The following ITPR2 variants were observed in gnomAD, a reference collection of about 807,000 sequenced individuals.
ITPR2 encodes the protein inositol 1,4,5-trisphosphate-gated calcium channel ITPR2.
Under a neutral mutation model 317.1 loss-of-function variants are expected in ITPR2, and 207 were observed. The ratio of observed to expected loss-of-function variants is 0.65; its 90% confidence interval spans 0.58 to 0.73. The LOEUF is 0.73. Among genes scored for constraint, ITPR2 ranks in the 30% least tolerant of loss-of-function variants. The pLI, the probability that ITPR2 is intolerant of heterozygous loss-of-function variation, is 0.00. For missense variants in ITPR2, 2,613 were observed against 3,284.0 expected, an observed-to-expected ratio of 0.80 and a Z score of 4.99; for synonymous variants, 1,156 against 1,149.1, an observed-to-expected ratio of 1.01 and a Z score of -0.12.
chr12:26,666,951 T>G (rs1033128713), intron 13 of ITPR2, among the ~76,000 whole-genome samples: 4 of 152,314 alleles, frequency 2.6e-5, no homozygotes, highest in Admixed American at 2.0e-4. Context: ...GAATCTGTAT[T>G]GGAAGGGTCA....
Position 26,681,999 on chromosome 12 carries a change from C to A in ITPR2, c.1284G>T (p.Ala428=). Residue 428 remains alanine (A), a synonymous_variant, in exon 13 of 57, where the codon GCG becomes GCT. Coordinates refer to ENST00000381340, the MANE Select transcript of ITPR2 (RefSeq NM_002223.4). ...ACAGTGGAACAGACACGATTGCGAA[C>A]GCTTCTTTATCTTCTTTGGTTTGGC... ...GTCQTKEDKE[A]FAIVSVPLSE... is the part of the protein sequence containing the mutation. 6.2e-7 allele frequency: 1 copy of A among 1,613,488 alleles called. No homozygotes were observed. The highest frequency in any genetic ancestry group is 8.5e-7 in the Non-Finnish European group (1 of 1,179,588).
intron 55 of ITPR2, among the ~76,000 whole-genome samples, chr12:26,340,637 C>T (rs919249755): frequency 2.9e-4 from 44 of 152,148 alleles, no homozygotes; most frequent in African/African-American, 9.9e-4. Context: ...GGTCTGGAGG[C>T]TGGGGGAGCA....
At chr12:26,656,216 G>T in intron 19 of ITPR2, 81 bp downstream of exon 19, 1 of 1,534,028 alleles carries the variant, frequency 6.5e-7, no homozygotes, top group Non-Finnish European at 8.9e-7. Context: ...CTTTCCACAT[G>T]TTTCATTTCA....
chr12:26,339,219 G>C lies in ITPR2; in HGVS notation c.*178C>G. 1 of 583,770 alleles carries C rather than the reference G, an allele frequency of 1.7e-6. No individual in the cohort carries two copies. The highest frequency in any genetic ancestry group is 3.1e-6 in the Non-Finnish European group (1 of 322,788). 36.2% of individuals were successfully genotyped at this position (583,770 alleles called of 1,614,324 possible). ...CAGATGCATTTGAGGTTAGGTCTTCGCAACCATGAAAACACAGTTATAAAT... is the reference window on the plus strand; with the variant it reads ...CAGATGCATTTGAGGTTAGGTCTTCCCAACCATGAAAACACAGTTATAAAT... On this transcript the variant is annotated 3_prime_UTR_variant, in exon 57 of 57. Transcript: ENST00000381340.
At chr12:26,411,225 A>G (rs1940537162) in intron 52 of ITPR2, 95 bp downstream of exon 52, 2 of 785,802 alleles carry the variant, frequency 2.5e-6, no homozygotes, top group Non-Finnish European at 2.1e-6. Context: ...TCCATCATGA[A>G]ATTTGTAGAG....
At position 26,433,485 on chromosome 12, in the gene ITPR2, A is replaced by G. The variant is rs1698303; in HGVS notation, c.6769+2736T>C. On this transcript the variant is annotated intron_variant, in intron 48 of 56. Coordinates refer to ENST00000381340, the MANE Select transcript of ITPR2 (RefSeq NM_002223.4). ...TATGTGATTTTTAAAAATTATATTA[A>G]AATTTGTAGTGTAATTGTTTTTTTC... is the stretch of plus-strand genomic sequence containing the variant. Among the ~76,000 whole-genome samples the G allele has an allele frequency of 8.3e-4, 127 of 152,136 alleles. No individual in the cohort carries two copies. The Middle Eastern group carries it at 0.01, about 12-fold the overall frequency.
At chr12:26,441,533 T>C (rs1941488187) in intron 46 of ITPR2, among the ~76,000 whole-genome samples, 1 of 151,988 alleles carries the variant, frequency 6.6e-6, no homozygotes, top group Non-Finnish European at 1.5e-5. Context: ...GCATACACAG[T>C]GAGATGAAAT....
At position 26,832,551 on chromosome 12, in the gene ITPR2, G is replaced by T. The variant is rs781672597; in HGVS notation, c.92+139C>A. The T allele has an allele frequency of 5.5e-6, 3 of 541,830 alleles. No individual in the cohort carries two copies. The Admixed American group carries it at 1.3e-4, about 23-fold the overall frequency. The allele number at this position is 541,830 out of a possible 1,614,324, so 33.6% of individuals were successfully genotyped here. ...GGGCGAGCGAGAGAGCGGAGCGCAC[G>T]GCGCTGTCCGCGGGCGCCGACCCTG... is the stretch of plus-strand genomic sequence containing the variant. On this transcript the variant is annotated intron_variant, in intron 1 of 56. Transcript: ENST00000381340.
chr12:26,790,085 T>G, intron 2 of ITPR2, 72 bp downstream of exon 2: 1 of 968,770 alleles, frequency 1.0e-6, no homozygotes, highest in Non-Finnish European at 1.7e-6. Flanking sequence ...GTTTTAACAT[T>G]ACTTACTTTG....
At chr12:26,832,342 T>C (rs981449587) in intron 1 of ITPR2, among the ~76,000 whole-genome samples, 1 of 152,180 alleles carries the variant, frequency 6.6e-6, no homozygotes. Context: ...GTGTTTTGTT[T>C]TACCTTCCAG....
chr12:26,345,711 C>T (rs1380053064), intron 55 of ITPR2, among the ~76,000 whole-genome samples: 1 of 152,186 alleles, frequency 6.6e-6, no homozygotes, highest in Non-Finnish European at 1.5e-5. Context: ...TCTCTCTGCT[C>T]TTATGGCTTC....
At chr12:26,555,505 T>C (rs552983720) in intron 36 of ITPR2, among the ~76,000 whole-genome samples, 4 of 152,330 alleles carry the variant, frequency 2.6e-5, no homozygotes, top group African/African-American at 9.6e-5. Context: ...GACAAGTCTC[T>C]TCTTTCTGGA....
chr12:26,717,482 C>A (rs1167158866), intron 5 of ITPR2, among the ~76,000 whole-genome samples: 2 of 152,180 alleles, frequency 1.3e-5, no homozygotes, highest in Non-Finnish European at 2.9e-5. Flanking sequence ...GGAAACAACT[C>A]CTGCTGTTTA....
chr12:26,435,774 T>C (rs918036916), intron 48 of ITPR2, among the ~76,000 whole-genome samples: 1 of 152,196 alleles, frequency 6.6e-6, no homozygotes, highest in African/African-American at 2.4e-5. Context: ...TCCCTGACTT[T>C]AGTATAGAAT....
intron 21 of ITPR2, among the ~76,000 whole-genome samples, chr12:26,652,861 C>G (rs115586827): frequency 0.014 from 2,153 of 152,268 alleles, 51 homozygotes; most frequent in African/African-American, 0.049. Flanking sequence ...GTGCACTCTT[C>G]GATATACCTT....
intron 21 of ITPR2, among the ~76,000 whole-genome samples, chr12:26,645,696 TTTGC>T (rs1312780508): frequency 1.3e-5 from 2 of 152,214 alleles, no homozygotes; most frequent in African/African-American, 4.8e-5. Flanking sequence ...GCATGTAAAC[TTTGC>T]TAACACTTCT....
chr12:26,607,405 C>T (rs1946158001), intron 26 of ITPR2, among the ~76,000 whole-genome samples: 1 of 152,144 alleles, frequency 6.6e-6, no homozygotes, highest in African/African-American at 2.4e-5. Context: ...TAAATATTGC[C>T]TCTTTCAGAT....
chr12:26,516,162 G>C (rs1591847373), intron 37 of ITPR2, among the ~76,000 whole-genome samples: 1 of 119,758 alleles, frequency 8.4e-6, no homozygotes, highest in Non-Finnish European at 1.9e-5. Context: ...AAAAGAGAAG[G>C]GGAGAGGAGA....
intron 1 of ITPR2, among the ~76,000 whole-genome samples, chr12:26,824,432 C>T (rs1184252794): frequency 1.3e-5 from 2 of 152,064 alleles, no homozygotes; most frequent in African/African-American, 4.8e-5. Context: ...AACATTTTTT[C>T]CACAATACAC....
Sources: allele counts gnomAD v4.1 joint callset (sites outside exome capture counted in the v4.1 genomes callset), GRCh38; gene constraint gnomAD v4.1.1; transcripts MANE v1.5; gene names NCBI Gene and HGNC (gene_info 2026-07-23, HGNC 2026-07-21).